The following TENM4 variants were observed in gnomAD, a reference collection of about 807,000 sequenced individuals.
TENM4 encodes teneurin transmembrane protein 4.
TENM4 carries 82 observed loss-of-function variants against 243.3 expected under a neutral mutation model. That is an observed-to-expected ratio of 0.34 (90% confidence interval 0.28 to 0.40). TENM4 has a LOEUF of 0.40. TENM4 is among the 10% of genes least tolerant of loss of function. TENM4 has a pLI of 1.00. For missense variants in TENM4, 3,138 were observed against 3,673.3 expected, an observed-to-expected ratio of 0.85 and a Z score of 3.77; for synonymous variants, 1,412 against 1,456.3, an observed-to-expected ratio of 0.97 and a Z score of 0.69.
chr11:79,074,173 A>G (rs977102883), intron 4 of TENM4, among the ~76,000 whole-genome samples: 3 of 152,182 alleles, frequency 2.0e-5, no homozygotes, highest in African/African-American at 4.8e-5. Flanking sequence ...TAGGCTTAAT[A>G]TAGTAATTCA....
chr11:78,708,675 C>T (rs1294292231), intron 26 of TENM4, among the ~76,000 whole-genome samples, 160 bp from the exon 27 acceptor site: 2 of 152,196 alleles, frequency 1.3e-5, no homozygotes, highest in East Asian at 3.8e-4. Context: ...GTCTCAGGCT[C>T]AGAGGCCTTG....
At chr11:78,766,124 G>A (rs373287975) in intron 18 of TENM4, among the ~76,000 whole-genome samples, 1 of 152,206 alleles carries the variant, frequency 6.6e-6, no homozygotes, top group Non-Finnish European at 1.5e-5. Context: ...CTAAGTCTTA[G>A]AGAAGTTAAG....
chr11:78,666,623 A>C (rs1231378741), intron 32 of TENM4, among the ~76,000 whole-genome samples: 1 of 152,216 alleles, frequency 6.6e-6, no homozygotes, highest in African/African-American at 2.4e-5. Flanking sequence ...TAAAAGCTGG[A>C]TTTGGAGGCC....
chr11:78,850,061 C>G (rs113265713), intron 12 of TENM4, among the ~76,000 whole-genome samples: 29 of 149,896 alleles, frequency 1.9e-4, no homozygotes, highest in African/African-American at 6.4e-4. Flanking sequence ...TTTCAGTGCT[C>G]TGTGTGTGTG....
intron 1 of TENM4, among the ~76,000 whole-genome samples, chr11:79,342,356 G>A (rs13377588): frequency 0.41 from 61,629 of 152,058 alleles, 13,614 homozygotes; most frequent in African/African-American, 0.59. Context: ...AGGCACGGAA[G>A]AGATAAAGTC....
Position 79,417,538 on chromosome 11 carries a change from C to T in TENM4, c.-321+22971G>A, listed in dbSNP as rs572021480. Among the ~76,000 whole-genome samples the T allele has an allele frequency of 8.2e-4, 125 of 152,028 alleles. 3 individuals carry two copies. In the South Asian group the frequency reaches 0.024, roughly 29 times the overall value. ...ACCTGAGTAGAAGAAGTTTCAACTT[C>T]GCATTCTGCTTCTAAAAGCTTGGCT... On this transcript the variant is annotated intron_variant, in intron 1 of 33. Coordinates refer to ENST00000278550, the MANE Select transcript of TENM4 (RefSeq NM_001098816.3).
rs1857935830 is a variant in TENM4 at position 78,657,990 on chromosome 11, A to G, written c.*68T>C. ...GTTAAAAAATCATTTTTTTAAAAGT[A>G]CAACACAGTCAGGTATGCGGCCACA... On this transcript the variant is annotated 3_prime_UTR_variant, in exon 34 of 34. Coordinates refer to ENST00000278550, the MANE Select transcript of TENM4 (RefSeq NM_001098816.3). 1.9e-6 allele frequency: 3 copies of G among 1,602,390 alleles called. No homozygotes were observed. Among genetic ancestry groups the G allele is most frequent in the Non-Finnish European group, 2.6e-6 (3 of 1,171,494 alleles).
intron 17 of TENM4, among the ~76,000 whole-genome samples, chr11:78,772,201 TAGATTTGC>T (rs934067400): frequency 6.6e-6 from 1 of 152,116 alleles, no homozygotes; most frequent in African/African-American, 2.4e-5. Flanking sequence ...ACTATTAAAG[TAGATTTGC>T]AGGTTTTTTG....
intron 2 of TENM4, among the ~76,000 whole-genome samples, chr11:79,242,795 G>A (rs753411916): frequency 6.6e-6 from 1 of 152,142 alleles, no homozygotes; most frequent in Non-Finnish European, 1.5e-5. Context: ...TATTTTCTTA[G>A]GACAGATTCC....
At chr11:79,203,032 C>A (rs935447387) in intron 3 of TENM4, among the ~76,000 whole-genome samples, 6 of 152,082 alleles carry the variant, frequency 3.9e-5, no homozygotes, top group African/African-American at 1.4e-4. Flanking sequence ...AATTATGATA[C>A]TGCAGCTAGT....
intron 15 of TENM4, among the ~76,000 whole-genome samples, chr11:78,804,102 G>A (rs1364687278): frequency 6.6e-6 from 1 of 152,186 alleles, no homozygotes; most frequent in East Asian, 1.9e-4. Flanking sequence ...AACATAATGA[G>A]CTAATCTGAT....
chr11:79,347,762 CTTTTTTTTTTTTTT>C (rs528675032), intron 1 of TENM4, among the ~76,000 whole-genome samples: 5 of 94,692 alleles, frequency 5.3e-5, no homozygotes, highest in Non-Finnish European at 1.0e-4. Flanking sequence ...CTATCCTCTC[CTTTTTTTTTTTTTT>C]TTTTTTTTTT....
intron 6 of TENM4, among the ~76,000 whole-genome samples, chr11:78,983,746 T>G (rs1293909320): frequency 6.7e-6 from 1 of 149,344 alleles, no homozygotes; most frequent in African/African-American, 2.5e-5. Flanking sequence ...CTAGAGGCCT[T>G]TGAGGCCAAG....
At chr11:78,877,019 T>C (rs982066605) in intron 9 of TENM4, among the ~76,000 whole-genome samples, 3 of 152,224 alleles carry the variant, frequency 2.0e-5, no homozygotes, top group African/African-American at 4.8e-5. Flanking sequence ...TAGATACTAA[T>C]TGACATTTTA....
intron 5 of TENM4, among the ~76,000 whole-genome samples, chr11:79,069,305 C>T (rs1305581118): frequency 1.3e-5 from 2 of 152,134 alleles, no homozygotes; most frequent in African/African-American, 2.4e-5. Context: ...ATTTATTCAG[C>T]GCTTACTTGG....
chr11:79,042,363 C>A (rs562324071), intron 6 of TENM4, among the ~76,000 whole-genome samples: 1 of 152,146 alleles, frequency 6.6e-6, no homozygotes, highest in Non-Finnish European at 1.5e-5. Flanking sequence ...TATGCTAATA[C>A]CTAAACCCCA....
At chr11:79,146,293 C>T (rs141569029) in intron 4 of TENM4, among the ~76,000 whole-genome samples, 1,745 of 152,212 alleles carry the variant, frequency 0.011, 37 homozygotes, top group African/African-American at 0.04. Flanking sequence ...ACCTCTGTAT[C>T]TACTGTGAGC....
chr11:79,396,074 C>T (rs1858337750), intron 1 of TENM4, among the ~76,000 whole-genome samples: 1 of 152,176 alleles, frequency 6.6e-6, no homozygotes, highest in African/African-American at 2.4e-5. Flanking sequence ...TTTGCTCAGA[C>T]CTTCCCCCTG....
intron 1 of TENM4, among the ~76,000 whole-genome samples, chr11:79,397,601 C>G (rs1206357756): frequency 6.6e-6 from 1 of 152,134 alleles, no homozygotes; most frequent in Non-Finnish European, 1.5e-5. Context: ...GAAGGATACC[C>G]CAGCAACCAG....
Sources: gnomAD v4.1 joint callset for allele counts (sites outside exome capture counted in the v4.1 genomes callset) on GRCh38, gnomAD v4.1.1 for gene constraint, MANE v1.5 for transcripts, NCBI Gene and HGNC (gene_info 2026-07-23, HGNC 2026-07-21) for gene names.